Variants in WDPCP observed in about 807,000 individuals in gnomAD.
WDPCP encodes WD repeat containing planar cell polarity effector.
In WDPCP, 71 loss-of-function variants were observed where a neutral mutation model predicts 93.1. The observed-to-expected ratio is 0.76, with a 90% CI of 0.63 to 0.93. The LOEUF (loss-of-function observed/expected upper bound fraction) is 0.93. Ranked by LOEUF, WDPCP falls within the 40% of genes least tolerant of loss-of-function variation. WDPCP has a pLI of 0.00. For missense variants in WDPCP, 844 were observed against 887.4 expected, an observed-to-expected ratio of 0.95 and a Z score of 0.62; for synonymous variants, 315 against 315.0, an observed-to-expected ratio of 1.00 and a Z score of 0.00.
At chr2:63,370,041 A>C (rs1691248418) in intron 12 of WDPCP, among the ~76,000 whole-genome samples, 1 of 152,194 alleles carries the variant, frequency 6.6e-6, no homozygotes, top group South Asian at 2.1e-4. Flanking sequence ...AAGAAAAGCA[A>C]GGTATACAAA....
At chr2:63,567,230 A>G (rs1195858071) in intron 1 of WDPCP, among the ~76,000 whole-genome samples, 2 of 152,156 alleles carry the variant, frequency 1.3e-5, no homozygotes. Flanking sequence ...CCTAGAGGTC[A>G]GGGAGTGGGG....
At chr2:63,552,523 C>CT (rs962397261) in intron 1 of WDPCP, among the ~76,000 whole-genome samples, 1 of 151,916 alleles carries the variant, frequency 6.6e-6, no homozygotes, top group Non-Finnish European at 1.5e-5. Context: ...AGTATCTCCT[C>CT]TTTTTTTTAT....
intron 14 of WDPCP, among the ~76,000 whole-genome samples, chr2:63,258,455 G>C (rs1021661760): frequency 3.3e-5 from 5 of 152,110 alleles, no homozygotes; most frequent in African/African-American, 1.2e-4. Context: ...CTGACAATTG[G>C]TCCCTTTGGC....
At chr2:63,735,601 A>C (rs1242793887) in intron 2 of WDPCP, among the ~76,000 whole-genome samples, 1 of 152,216 alleles carries the variant, frequency 6.6e-6, no homozygotes, top group Non-Finnish European at 1.5e-5. Context: ...TATGTGGGAA[A>C]GATTAACTTG....
chr2:63,263,090 A>G (rs1461980496), intron 13 of WDPCP, among the ~76,000 whole-genome samples: 1 of 152,200 alleles, frequency 6.6e-6, no homozygotes, highest in Non-Finnish European at 1.5e-5. Context: ...GTATATCTCT[A>G]TAATTCCATG....
intron 13 of WDPCP, among the ~76,000 whole-genome samples, chr2:63,262,989 T>C (rs906574974): frequency 7.9e-5 from 12 of 152,202 alleles, no homozygotes; most frequent in African/African-American, 2.9e-4. Flanking sequence ...TTTGGAAACA[T>C]ACTATGCAGT....
intron 14 of WDPCP, among the ~76,000 whole-genome samples, chr2:63,254,879 G>T (rs2104742600): frequency 6.6e-6 from 1 of 152,218 alleles, no homozygotes; most frequent in Non-Finnish European, 1.5e-5. Context: ...CCTCATGAAT[G>T]TAAATGCCAA....
At chr2:63,771,639 A>C (rs1013268443) in intron 2 of WDPCP, among the ~76,000 whole-genome samples, 5 of 151,830 alleles carry the variant, frequency 3.3e-5, no homozygotes, top group Non-Finnish European at 7.4e-5. Context: ...GGTACAATTG[A>C]TCCTGTCACC....
intron 10 of WDPCP, among the ~76,000 whole-genome samples, chr2:63,400,482 T>G (rs1694065095): frequency 6.6e-6 from 1 of 152,150 alleles, no homozygotes. Flanking sequence ...ACTGTATATC[T>G]GACAAAGGTC....
intron 14 of WDPCP, among the ~76,000 whole-genome samples, chr2:63,255,448 G>T (rs551318251): frequency 6.6e-6 from 1 of 152,196 alleles, no homozygotes; most frequent in African/African-American, 2.4e-5. Context: ...CATGAAGGCA[G>T]ATCCCTCTTA....
intron 2 of WDPCP, among the ~76,000 whole-genome samples, chr2:63,769,087 T>C (rs1670187780): frequency 6.6e-6 from 1 of 151,980 alleles, no homozygotes; most frequent in Admixed American, 6.6e-5. Flanking sequence ...AAAATACTTT[T>C]TGAAAATTCT....
At chr2:63,407,536 T>C (rs1423232374) in intron 9 of WDPCP, among the ~76,000 whole-genome samples, 1 of 152,184 alleles carries the variant, frequency 6.6e-6, no homozygotes, top group Non-Finnish European at 1.5e-5. Flanking sequence ...ACATTTTCCC[T>C]GCTCTATAAC....
chr2:63,721,963 G>C (rs1021765909), intron 2 of WDPCP, among the ~76,000 whole-genome samples: 1 of 152,220 alleles, frequency 6.6e-6, no homozygotes, highest in East Asian at 1.9e-4. Flanking sequence ...GCCCCTAACC[G>C]CAAGTGATCC....
intron 10 of WDPCP, among the ~76,000 whole-genome samples, chr2:63,385,125 C>A (rs1558553549): frequency 6.6e-6 from 1 of 151,980 alleles, no homozygotes; most frequent in Non-Finnish European, 1.5e-5. Context: ...AATTCAACAT[C>A]CACTTAATAT....
intron 1 of WDPCP, among the ~76,000 whole-genome samples, chr2:63,496,572 A>G (rs1026819736): frequency 1.3e-5 from 2 of 152,230 alleles, no homozygotes; most frequent in Admixed American, 1.3e-4. Context: ...TCCTGAGCAT[A>G]GTACAGTATA....
intron 1 of WDPCP, among the ~76,000 whole-genome samples, chr2:63,526,729 T>C (rs1369553205): frequency 6.6e-6 from 1 of 152,222 alleles, no homozygotes; most frequent in South Asian, 2.1e-4. Flanking sequence ...TTTGCAAATG[T>C]TGTTTCTTCC....
chr2:63,481,658 G>T (rs1329464847), intron 6 of WDPCP, among the ~76,000 whole-genome samples: 1 of 151,916 alleles, frequency 6.6e-6, no homozygotes, highest in Non-Finnish European at 1.5e-5. Flanking sequence ...ACCAGACACT[G>T]TATATTCTCA....
chr2:63,556,792 G>T (rs926609353), intron 1 of WDPCP, among the ~76,000 whole-genome samples: 1 of 152,162 alleles, frequency 6.6e-6, no homozygotes, highest in African/African-American at 2.4e-5. Flanking sequence ...CCTACAAAGG[G>T]AAGCCCATCA....
chr2:63,297,858 C>T (rs963446154), intron 13 of WDPCP, among the ~76,000 whole-genome samples: 66 of 152,230 alleles, frequency 4.3e-4, no homozygotes, highest in African/African-American at 1.6e-3. Context: ...GATGTCCATG[C>T]CATTTTGCAA....
Sources: allele counts gnomAD v4.1 joint callset (sites outside exome capture counted in the v4.1 genomes callset), GRCh38; gene constraint gnomAD v4.1.1; transcripts MANE v1.5; gene names NCBI Gene and HGNC (gene_info 2026-07-23, HGNC 2026-07-21).